Variants in KLF8 observed in about 807,000 individuals in gnomAD.
The protein encoded by KLF8 is KLF transcription factor 8, also known as Krueppel-like factor 8.
In KLF8, 10 loss-of-function variants were observed where a neutral mutation model predicts 18.2. That is an observed-to-expected ratio of 0.55 (90% CI 0.34 to 0.93). The LOEUF (loss-of-function observed/expected upper bound fraction) is 0.93. Among genes scored for constraint, KLF8 ranks in the 40% least tolerant of loss-of-function variants. KLF8 has a pLI of 0.02. For missense variants in KLF8, 264 were observed against 277.9 expected (o/e 0.95, Z 0.36); for synonymous variants, 109 against 97.3 (o/e 1.12, Z -0.71).
the KLF8 span, among the ~76,000 whole-genome samples, chrX:56,113,741 G>C: frequency 5.0e-4 from 55 of 110,523 alleles, no homozygotes; most frequent in Non-Finnish European, 9.3e-4. Flanking sequence ...GTTGTTTTTG[G>C]GTAGAGTGTG....
chrX:56,146,403 T>A, the KLF8 span, among the ~76,000 whole-genome samples: 1 of 111,706 alleles, frequency 9.0e-6, no homozygotes, highest in Non-Finnish European at 1.9e-5. Flanking sequence ...TGAGTTCATG[T>A]TCTTTGCAGA....
At chrX:56,246,916 T>G (rs2066629345) in intron 1 of KLF8, among the ~76,000 whole-genome samples, 1 of 111,242 alleles carries the variant, frequency 9.0e-6, no homozygotes, top group Non-Finnish European at 1.9e-5. Context: ...GACAGATTCT[T>G]TGGGCCAGAG....
chrX:55,941,130 C>G, the KLF8 span, among the ~76,000 whole-genome samples: 3 of 111,937 alleles, frequency 2.7e-5, no homozygotes, highest in Non-Finnish European at 5.6e-5. Context: ...TACTACAAGG[C>G]TACAGTAACC....
the KLF8 span, among the ~76,000 whole-genome samples, chrX:56,014,180 T>TC: frequency 4.5e-5 from 5 of 112,286 alleles, no homozygotes; most frequent in Non-Finnish European, 9.4e-5. Context: ...AAAGAAACTA[T>TC]CATCAGAGTA....
the KLF8 span, among the ~76,000 whole-genome samples, chrX:56,116,253 T>G: frequency 6.7e-4 from 75 of 112,509 alleles, no homozygotes; most frequent in Non-Finnish European, 1.1e-3. Context: ...ACAGGTGTGA[T>G]GAGGAGGATC....
the KLF8 span, among the ~76,000 whole-genome samples, chrX:56,016,655 C>A: frequency 9.0e-6 from 1 of 111,570 alleles, no homozygotes; most frequent in African/African-American, 3.3e-5. Flanking sequence ...AGGCATAAAG[C>A]AGTTATTTAA....
chrX:56,126,752 C>CTTTTTTTT, the KLF8 span, among the ~76,000 whole-genome samples: 12 of 72,592 alleles, frequency 1.7e-4, no homozygotes, highest in African/African-American at 4.8e-4. Context: ...TTCTTTCTTT[C>CTTTTTTTT]TTTTTTTTTT....
chrX:55,981,974 G>C, the KLF8 span, among the ~76,000 whole-genome samples: 2 of 110,942 alleles, frequency 1.8e-5, no homozygotes, highest in Non-Finnish European at 3.8e-5. Flanking sequence ...TTTTTTTCTG[G>C]CTTTGTTATT....
chrX:56,206,991 C>T, the KLF8 span, among the ~76,000 whole-genome samples: 1 of 112,871 alleles, frequency 8.9e-6, no homozygotes, highest in Admixed American at 9.3e-5. Context: ...ATGGAAGCTG[C>T]CAAGGCTTGG....
At chrX:56,023,193 C>T in the KLF8 span, among the ~76,000 whole-genome samples, 2 of 110,938 alleles carry the variant, frequency 1.8e-5, no homozygotes, top group Non-Finnish European at 1.9e-5. Flanking sequence ...GTAATAGAAA[C>T]AAGGGAATTA....
chrX:55,999,377 G>A, the KLF8 span, among the ~76,000 whole-genome samples: 11,102 of 95,015 alleles, frequency 0.12, 1,809 homozygotes, highest in African/African-American at 0.41. Flanking sequence ...TTTGAAAAAT[G>A]ACATTAGTGT....
the KLF8 span, among the ~76,000 whole-genome samples, chrX:55,946,882 G>A: frequency 0.22 from 24,186 of 111,206 alleles, 5,426 homozygotes; most frequent in African/African-American, 0.69. Context: ...AAACACATGA[G>A]AAAATGCTGA....
At chrX:56,005,482 T>G in the KLF8 span, among the ~76,000 whole-genome samples, 1 of 111,156 alleles carries the variant, frequency 9.0e-6, no homozygotes, top group Admixed American at 9.5e-5. Context: ...GGGTGTGGGG[T>G]TGCTGGTCTC....
the KLF8 span, among the ~76,000 whole-genome samples, chrX:56,063,788 C>T: frequency 1.8e-5 from 2 of 110,963 alleles, no homozygotes; most frequent in East Asian, 2.8e-4. Flanking sequence ...CTGTCTCAGG[C>T]AGATGGGAGT....
the KLF8 span, among the ~76,000 whole-genome samples, chrX:56,179,677 T>C: frequency 8.9e-6 from 1 of 112,066 alleles, no homozygotes; most frequent in Non-Finnish European, 1.9e-5. Context: ...CAATATCTAA[T>C]TTATTGAGAG....
At chrX:56,164,961 T>A in the KLF8 span, among the ~76,000 whole-genome samples, 1 of 71,319 alleles carries the variant, frequency 1.4e-5, no homozygotes, top group Non-Finnish European at 2.5e-5. Context: ...GTCCATGTGA[T>A]CTCATTGTTC....
intron 1 of KLF8, among the ~76,000 whole-genome samples, chrX:56,239,122 C>A (rs1227477079): frequency 8.9e-6 from 1 of 112,259 alleles, no homozygotes; most frequent in Non-Finnish European, 1.9e-5. Context: ...TTGCTCATAG[C>A]CTCAAATCAT....
At chrX:55,959,716 A>T in the KLF8 span, among the ~76,000 whole-genome samples, 5 of 111,953 alleles carry the variant, frequency 4.5e-5, no homozygotes, top group African/African-American at 1.6e-4. Flanking sequence ...AAAATGAATG[A>T]AACCTCCAAG....
At chrX:56,242,606 A>G (rs1196704407) in intron 1 of KLF8, among the ~76,000 whole-genome samples, 2 of 111,422 alleles carry the variant, frequency 1.8e-5, no homozygotes, top group African/African-American at 3.3e-5. Context: ...CTTTTCTGGT[A>G]TTTCTTATCA....
Sources: allele counts gnomAD v4.1 joint callset (sites outside exome capture counted in the v4.1 genomes callset), GRCh38; gene constraint gnomAD v4.1.1; transcripts MANE v1.5; gene names NCBI Gene and HGNC (gene_info 2026-07-23, HGNC 2026-07-21).